RRM2: variants seen among roughly 807,000 people sequenced by gnomAD.
RRM2 encodes the protein ribonucleotide reductase regulatory subunit M2.
A neutral mutation model predicts 45.9 loss-of-function variants in RRM2; 6 were observed. The observed-to-expected ratio is 0.13, with a 90% CI of 0.07 to 0.26. The LOEUF is 0.26. RRM2 is among the 10% of genes least tolerant of loss of function. RRM2 has a pLI of 1.00. For missense variants in RRM2, 343 were observed against 489.5 expected (o/e 0.70, Z 2.82); for synonymous variants, 177 against 173.0 (o/e 1.02, Z -0.18).
chr2:10,123,303 C>T, intron 2 of RRM2, 84 bp from the exon 3 acceptor site: 1 of 1,484,390 alleles, frequency 6.7e-7, no homozygotes, highest in South Asian at 1.3e-5. Context: ...GAAATTGCCG[C>T]CAATGGAAAG....
rs559949797 is a variant in RRM2 at position 10,208,976 on chromosome 2, T to G, written n.483-1335T>G. 3.6e-4 allele frequency among the ~76,000 whole-genome samples: 54 copies of G among 151,924 alleles called. 1 individual carries two copies. Among genetic ancestry groups the G allele is most frequent in the Non-Finnish European group, 7.5e-4 (51 of 68,004 alleles). On this transcript the variant is annotated intron_variant and non_coding_transcript_variant, in intron 3 of 3. Transcript: ENST00000381786. The stretch of plus-strand genomic sequence containing the variant: ...GGATCCTGCCTGTTCAGACCTGTCC[T>G]GTCTCCTGGTGGCCAAACTGGCCTC...
chr2:10,197,493 A>C (rs963408200), intron 3 of RRM2, among the ~76,000 whole-genome samples: 15 of 151,598 alleles, frequency 9.9e-5, no homozygotes, highest in Non-Finnish European at 2.1e-4. Flanking sequence ...GGCTGGGGGA[A>C]CTCCAGCAAG....
At chr2:10,174,101 C>T (rs1259941577) in intron 3 of RRM2, among the ~76,000 whole-genome samples, 3 of 152,154 alleles carry the variant, frequency 2.0e-5, no homozygotes, top group Admixed American at 1.3e-4. Context: ...GATTAGGATC[C>T]TTATAAGAAC....
rs759062029 is a variant in RRM2, at chr2:10,122,985, G to A, written c.102G>A (p.Pro34=). 9.0e-6 allele frequency: 14 copies of A among 1,554,918 alleles called. No individual in the cohort carries two copies. The South Asian group carries it at 1.4e-4, about 16-fold the overall frequency. The part of the protein sequence containing the change: ...GLSLVDKENT[P]PALSGTRVLA... ...CACTCACACGCGTCTCCCCGCAGCC[G>A]CCGGCCCTGAGCGGGACCCGCGTCC... The change falls in exon 2 of 10, where the codon CCG becomes CCA. Residue 34 remains proline (P), a splice_region_variant and synonymous_variant. Coordinates refer to ENST00000304567, the MANE Select transcript of RRM2 (RefSeq NM_001034.4).
chr2:10,154,913 C>A (rs551771488), intron 3 of RRM2, among the ~76,000 whole-genome samples: 1 of 152,026 alleles, frequency 6.6e-6, no homozygotes, highest in East Asian at 1.9e-4. Flanking sequence ...CCAGGCTGGT[C>A]TTGAACTCCC....
In RRM2 at chr2:10,127,303, G is replaced by A; in HGVS notation, c.798+83G>A. On this transcript the variant is annotated intron_variant, in intron 7 of 9. Coordinates refer to ENST00000304567, the MANE Select transcript of RRM2 (RefSeq NM_001034.4). The surrounding 1 kb of genome is among the most constrained non-coding windows in gnomAD (Gnocchi z 4.1). Reference sequence around the variant, plus strand: ...CTTGTGTTCACTGACGGGGACCTGAGATGCTAGATGGCATATATCCACATT... The same window carrying A: ...CTTGTGTTCACTGACGGGGACCTGAAATGCTAGATGGCATATATCCACATT... 1 of 1,391,810 alleles carries A rather than the reference G, an allele frequency of 7.2e-7. No homozygotes were observed. The highest frequency in any genetic ancestry group is 9.9e-7 in the Non-Finnish European group (1 of 1,006,494). The allele number at this position is 1,391,810 out of a possible 1,614,324, so 86.2% of individuals were successfully genotyped here. A position where few individuals can be genotyped will look rare whatever the true frequency, so the allele number is the denominator to read the frequency against.
chr2:10,175,993 T>TC (rs1663907472), intron 3 of RRM2, among the ~76,000 whole-genome samples: 1 of 152,238 alleles, frequency 6.6e-6, no homozygotes, highest in East Asian at 1.9e-4. Flanking sequence ...TTATTTCACT[T>TC]AGCATAATGT....
In RRM2 at chr2:10,172,397, C is replaced by T. The variant is rs1663822854; in HGVS notation, n.482+30022C>T. 1.3e-5 allele frequency among the ~76,000 whole-genome samples: 2 copies of T among 152,166 alleles called. No individual in the cohort carries two copies. The highest frequency in any genetic ancestry group is 1.3e-4 in the Admixed American group (2 of 15,288). ...GAGGGGCGGACGGAGGACACTGCTT[C>T]TGCAGCGCTCCTTGTCTCCGTCAGT... On this transcript the variant is annotated intron_variant and non_coding_transcript_variant, in intron 3 of 3. Transcript: ENST00000381786. The surrounding 1 kb of genome is among the most constrained non-coding windows in gnomAD (Gnocchi z 4.9).
chr2:10,137,950 CCT>C (rs1390464145), upstream of RRM2, among the ~76,000 whole-genome samples: 2 of 152,172 alleles, frequency 1.3e-5, no homozygotes, highest in African/African-American at 4.8e-5. Context: ...ACTTCCAGGT[CCT>C]GTTAGTGCAG....
Position 10,172,970 on chromosome 2 carries a change from C to T in RRM2, n.482+30595C>T, listed in dbSNP as rs1358327102. ...GAATGGAAAATCCAGTTTCCTTCGC[C>T]GTCTTCCTTGTCTGTCCTCTCCTGC... is the stretch of plus-strand genomic sequence containing the variant. On this transcript the variant is annotated intron_variant and non_coding_transcript_variant, in intron 3 of 3. Transcript: ENST00000381786. This position sits in a 1 kb window ranked among gnomAD's most constrained non-coding sequence, Gnocchi z 4.9. 2.0e-5 allele frequency among the ~76,000 whole-genome samples: 3 copies of T among 152,150 alleles called. No homozygotes were observed. The highest frequency in any genetic ancestry group is 6.5e-5 in the Admixed American group (1 of 15,272).
At chr2:10,180,059 G>A (rs958950778) in intron 3 of RRM2, among the ~76,000 whole-genome samples, 1 of 152,196 alleles carries the variant, frequency 6.6e-6, no homozygotes, top group Non-Finnish European at 1.5e-5. Flanking sequence ...GCTGAGCAGA[G>A]GTTAATGCCA....
chr2:10,136,943 G>C (rs1187246645), upstream of RRM2, among the ~76,000 whole-genome samples: 6 of 152,222 alleles, frequency 3.9e-5, no homozygotes, highest in East Asian at 1.2e-3. Flanking sequence ...GTGAGGCCCT[G>C]ACTGAGGAAA....
At chr2:10,203,839 G>A (rs1373379355) in intron 3 of RRM2, among the ~76,000 whole-genome samples, 1 of 152,004 alleles carries the variant, frequency 6.6e-6, no homozygotes, top group Non-Finnish European at 1.5e-5. Flanking sequence ...AGGGGATGGG[G>A]CTCACGGTTA....
intron 3 of RRM2, among the ~76,000 whole-genome samples, chr2:10,170,528 G>A (rs1288922947): frequency 2.6e-5 from 4 of 152,126 alleles, no homozygotes; most frequent in Non-Finnish European, 5.9e-5. Context: ...GAGAGAGAGA[G>A]GAGGGGAACA....
intron 3 of RRM2, chr2:10,155,040 T>TAAA: frequency 1.8e-5 from 3 of 166,658 alleles, no homozygotes; most frequent in Non-Finnish European, 3.8e-5. Flanking sequence ...AATTGCTCTG[T>TAAA]AAAAAAAAAA....
At chr2:10,135,635 T>C (rs905162590), downstream of RRM2, among the ~76,000 whole-genome samples, 5 of 152,056 alleles carry the variant, frequency 3.3e-5, no homozygotes, top group Non-Finnish European at 7.4e-5. Flanking sequence ...GCACAGTAGA[T>C]GTAAATAAAC....
intron 3 of RRM2, among the ~76,000 whole-genome samples, chr2:10,142,819 G>A (rs1042185727): frequency 3.3e-5 from 5 of 152,174 alleles, no homozygotes; most frequent in African/African-American, 4.8e-5. Flanking sequence ...AGGTGCCCGC[G>A]GGCTCCCCGC....
At chr2:10,152,476 A>AT (rs34724080) in intron 3 of RRM2, among the ~76,000 whole-genome samples, 5,794 of 134,914 alleles carry the variant, frequency 0.043, 404 homozygotes, top group African/African-American at 0.15. Context: ...TCTGTGTACT[A>AT]TTTTTTTTTT....
Position 10,129,526 on chromosome 2 carries a change from C to A in RRM2, c.*140C>A. On this transcript the variant is annotated 3_prime_UTR_variant, in exon 10 of 10. Transcript: ENST00000304567. This position sits in a 1 kb window ranked among gnomAD's most constrained non-coding sequence, Gnocchi z 4.8. ...AGCATCTTTAAAACTGTGTAGCTACCTCACAACCAGTCCTGTCTGTTTATA... is the reference window on the plus strand; with the variant it reads ...AGCATCTTTAAAACTGTGTAGCTACATCACAACCAGTCCTGTCTGTTTATA... 1 of 876,574 alleles carries A rather than the reference C, an allele frequency of 1.1e-6. No individual in the cohort carries two copies. The highest frequency in any genetic ancestry group is 1.8e-6 in the Non-Finnish European group (1 of 567,730). 54.3% of individuals were successfully genotyped at this position (876,574 alleles called of 1,614,324 possible).
Sources: allele counts gnomAD v4.1 joint callset (sites outside exome capture counted in the v4.1 genomes callset), GRCh38; gene constraint gnomAD v4.1.1; non-coding constraint Gnocchi (gnomAD v3.1); transcripts MANE v1.5; gene names NCBI Gene and HGNC (gene_info 2026-07-23, HGNC 2026-07-21).